Variants in GRIA4 observed in about 807,000 individuals in gnomAD.
The protein encoded by GRIA4 is glutamate receptor 4.
GRIA4 carries 34 observed loss-of-function variants against 104.0 expected under a neutral mutation model. That is an observed-to-expected ratio of 0.33 (90% CI 0.25 to 0.44). The LOEUF is 0.44. Among genes scored for constraint, GRIA4 ranks in the 20% least tolerant of loss-of-function variants. The pLI is 1.00. For synonymous variants in GRIA4, 386 were observed against 381.9 expected (o/e 1.01, Z -0.13); for missense variants, 750 against 1,096.5 (o/e 0.68, Z 4.46).
intron 3 of GRIA4, among the ~76,000 whole-genome samples, chr11:105,670,423 T>C (rs10791765): frequency 0.98 from 148,854 of 152,232 alleles, 72,843 homozygotes; most frequent in Non-Finnish European, 1. Context: ...TTGTCATACC[T>C]GTTTTCCAGA....
chr11:105,701,222 C>G (rs1209024294), intron 3 of GRIA4, among the ~76,000 whole-genome samples: 1 of 152,142 alleles, frequency 6.6e-6, no homozygotes, highest in Non-Finnish European at 1.5e-5. Flanking sequence ...AAATTGCTTG[C>G]TTACTTTGCT....
At chr11:105,712,755 C>T (rs1953956666) in intron 3 of GRIA4, among the ~76,000 whole-genome samples, 1 of 151,276 alleles carries the variant, frequency 6.6e-6, no homozygotes, top group Non-Finnish European at 1.5e-5. Flanking sequence ...GTAAATTGCC[C>T]ATAAATAAAT....
rs111233796 is a variant in GRIA4 at position 105,746,073 on chromosome 11, C to T, written c.248-6908C>T. Among the ~76,000 whole-genome samples the T allele has an allele frequency of 8.1e-3, 1,231 of 151,822 alleles. 19 individuals carry two copies. Among genetic ancestry groups the T allele is most frequent in the African/African-American group, 0.028 (1,169 of 41,412 alleles). On this transcript the variant is annotated intron_variant, in intron 3 of 16. Coordinates refer to ENST00000282499, the MANE Select transcript of GRIA4 (RefSeq NM_000829.4). ...TATAATATTTTCATAAACATTTATG[C>T]GATACGTTTGCTACATGTCTAATAA...
chr11:105,654,636 C>T (rs926316917), intron 3 of GRIA4, among the ~76,000 whole-genome samples: 2 of 152,008 alleles, frequency 1.3e-5, no homozygotes, highest in Non-Finnish European at 2.9e-5. Flanking sequence ...TTGCTGGCTA[C>T]TCAACTCACA....
chr11:105,720,996 C>T (rs1565490769), intron 3 of GRIA4, among the ~76,000 whole-genome samples: 1 of 152,128 alleles, frequency 6.6e-6, no homozygotes, highest in Non-Finnish European at 1.5e-5. Flanking sequence ...ATGGGGCTGC[C>T]TAACTTGATG....
intron 3 of GRIA4, among the ~76,000 whole-genome samples, chr11:105,704,447 A>T (rs1225541409): frequency 6.6e-6 from 1 of 152,092 alleles, no homozygotes; most frequent in Non-Finnish European, 1.5e-5. Flanking sequence ...GTTATAGTCC[A>T]CAGAGAAAAG....
chr11:105,857,351 C>A (rs1322427096), intron 4 of GRIA4, among the ~76,000 whole-genome samples: 1 of 152,078 alleles, frequency 6.6e-6, no homozygotes, highest in Non-Finnish European at 1.5e-5. Context: ...TGTGCCAGAC[C>A]AGAGATATTG....
At chr11:105,633,012 A>G (rs1951077938) in intron 3 of GRIA4, among the ~76,000 whole-genome samples, 6 of 152,200 alleles carry the variant, frequency 3.9e-5, no homozygotes, top group Admixed American at 3.9e-4. Context: ...CAGGAAATAC[A>G]TATGAAATAA....
intron 4 of GRIA4, chr11:105,824,815 C>T (rs1404283144): frequency 1.3e-5 from 2 of 152,086 alleles, no homozygotes; most frequent in Admixed American, 6.6e-5. Context: ...ACATAATCTA[C>T]AGCCGGAGAT....
intron 5 of GRIA4, among the ~76,000 whole-genome samples, chr11:105,876,029 C>T (rs911724442): frequency 1.3e-5 from 2 of 152,230 alleles, no homozygotes; most frequent in South Asian, 4.2e-4. Flanking sequence ...TAGATCTTTA[C>T]TGCTTTCTCC....
chr11:105,784,364 A>G (rs529736998), intron 4 of GRIA4, among the ~76,000 whole-genome samples: 4 of 152,206 alleles, frequency 2.6e-5, no homozygotes, highest in African/African-American at 9.6e-5. Flanking sequence ...CATTTCTGTA[A>G]TTTACATACA....
At chr11:105,963,379 T>A (rs2136268015) in intron 14 of GRIA4, among the ~76,000 whole-genome samples, 1 of 152,248 alleles carries the variant, frequency 6.6e-6, no homozygotes, top group African/African-American at 2.4e-5. Flanking sequence ...CCTAAACTTA[T>A]TATGTGAGGG....
intron 6 of GRIA4, among the ~76,000 whole-genome samples, chr11:105,889,910 G>A (rs1468478294): frequency 1.3e-5 from 2 of 152,014 alleles, no homozygotes; most frequent in Non-Finnish European, 2.9e-5. Context: ...ATATTTCATT[G>A]ATAATTTACA....
chr11:105,619,092 C>G (rs1397647147), intron 3 of GRIA4, among the ~76,000 whole-genome samples: 2 of 151,354 alleles, frequency 1.3e-5, no homozygotes, highest in African/African-American at 2.4e-5. Context: ...AAAAAAGCAA[C>G]CCCATAGAGA....
chr11:105,619,614 A>T (rs1178841578), intron 3 of GRIA4, among the ~76,000 whole-genome samples: 2 of 151,948 alleles, frequency 1.3e-5, no homozygotes, highest in Non-Finnish European at 2.9e-5. Context: ...TCTTTGGGCC[A>T]TTCAGAGAGA....
intron 11 of GRIA4, among the ~76,000 whole-genome samples, chr11:105,921,657 C>G (rs1199453851): frequency 1.3e-5 from 2 of 152,098 alleles, no homozygotes; most frequent in Non-Finnish European, 2.9e-5. Context: ...CTGTATTTCT[C>G]TTCATGTGTC....
intron 6 of GRIA4, among the ~76,000 whole-genome samples, chr11:105,895,475 T>G (rs1013541627): frequency 2.0e-5 from 3 of 151,848 alleles, no homozygotes; most frequent in African/African-American, 7.3e-5. Flanking sequence ...GATATATAGA[T>G]GGAAGATAGA....
intron 3 of GRIA4, among the ~76,000 whole-genome samples, chr11:105,699,244 G>T (rs572138257): frequency 1.3e-5 from 2 of 152,258 alleles, no homozygotes; most frequent in African/African-American, 4.8e-5. Context: ...AAATAGAGCA[G>T]GAAGAGGACA....
intron 4 of GRIA4, among the ~76,000 whole-genome samples, chr11:105,772,522 CA>C: frequency 6.6e-6 from 1 of 151,996 alleles, no homozygotes; most frequent in Non-Finnish European, 1.5e-5. Flanking sequence ...GGATATAATG[CA>C]TATAACATAT....
Sources: gnomAD v4.1 joint callset for allele counts (sites outside exome capture counted in the v4.1 genomes callset) on GRCh38, gnomAD v4.1.1 for gene constraint, MANE v1.5 for transcripts, NCBI Gene and HGNC (gene_info 2026-07-23, HGNC 2026-07-21) for gene names.